Variants in PPP1R37 observed in about 807,000 individuals in gnomAD.
The protein encoded by PPP1R37 is protein phosphatase 1 regulatory subunit 37, also known as leucine rich repeat containing 68.
In PPP1R37, 21 loss-of-function variants were observed where a neutral mutation model predicts 61.0. That is an observed-to-expected ratio of 0.34 (90% CI 0.24 to 0.50). The LOEUF (loss-of-function observed/expected upper bound fraction) is 0.50, where lower values mean the gene tolerates loss of function less well. PPP1R37 is among the 20% of genes least tolerant of loss of function. PPP1R37 has a pLI of 0.98. For synonymous variants in PPP1R37, 443 were observed against 433.5 expected (o/e 1.02, Z -0.27); for missense variants, 910 against 952.7 (o/e 0.96, Z 0.59).
rs531492504 is a variant in PPP1R37, at chr19:45,118,855, T to C, written c.203-19659T>C. On this transcript the variant is annotated intron_variant, in intron 1 of 12. Coordinates refer to ENST00000221462, the MANE Select transcript of PPP1R37 (RefSeq NM_019121.2). ...GCCTCCACAGCCGGGCTGGGCTTTATAACTAATTCTGTCGTGAGAGACTGG... is the reference window on the plus strand; with the variant it reads ...GCCTCCACAGCCGGGCTGGGCTTTACAACTAATTCTGTCGTGAGAGACTGG... 1.9e-4 allele frequency among the ~76,000 whole-genome samples: 29 copies of C among 152,192 alleles called. No homozygotes were observed. In the South Asian group the frequency reaches 6.0e-3, roughly 32 times the overall value.
rs764128704 is a variant in PPP1R37, at chr19:45,145,564, C to CGGA, written c.1509_1511dup (p.Pro503_Asp504insGlu). On this transcript the variant is annotated inframe_insertion, in exon 11 of 13. Coordinates refer to ENST00000221462, the MANE Select transcript of PPP1R37 (RefSeq NM_019121.2). The stretch of plus-strand genomic sequence containing the variant: ...GGGGCCCCCAGCCCCGCACCCAGCC[C>CGGA]GGACTCAGACTCAGACTCGGACTCG... 6.5e-7 allele frequency: 1 copy of CGGA among 1,535,424 alleles called. No homozygotes were observed.
Position 45,145,350 on chromosome 19 carries a change from C to G in PPP1R37, c.1297-3C>G. The G allele has an allele frequency of 3.3e-6, 5 of 1,533,536 alleles. No homozygotes were observed. Among genetic ancestry groups the G allele is most frequent in the Non-Finnish European group, 4.4e-6 (5 of 1,145,590 alleles). 95.0% of individuals were successfully genotyped at this position (1,533,536 alleles called of 1,614,324 possible). ...GAGCCCTAGCCAGGCGCTCCCGCCA[C>G]AGGTGAAGAGCTTCATCGAGACGCA... On this transcript the variant is annotated splice_region_variant and splice_polypyrimidine_tract_variant and intron_variant, in intron 10 of 12. Coordinates refer to ENST00000221462, the MANE Select transcript of PPP1R37 (RefSeq NM_019121.2).
intron 1 of PPP1R37, among the ~76,000 whole-genome samples, chr19:45,106,406 T>C (rs1334604012): frequency 6.6e-6 from 1 of 152,076 alleles, no homozygotes; most frequent in East Asian, 1.9e-4. Flanking sequence ...CATGCCCAGC[T>C]AATTTTTTTG....
chr19:45,137,143 C>G (rs144795627), intron 1 of PPP1R37, among the ~76,000 whole-genome samples: 4 of 151,912 alleles, frequency 2.6e-5, no homozygotes, highest in Non-Finnish European at 5.9e-5. Context: ...GAAGATCTTT[C>G]TAACGGCCAG....
intron 1 of PPP1R37, among the ~76,000 whole-genome samples, chr19:45,101,975 C>G (rs1006231477): frequency 6.6e-6 from 1 of 152,232 alleles, no homozygotes; most frequent in African/African-American, 2.4e-5. Flanking sequence ...TCTGAGGTGA[C>G]TGTTATTCCC....
chr19:45,117,647 G>C (rs1204498462), intron 1 of PPP1R37, among the ~76,000 whole-genome samples: 1 of 152,180 alleles, frequency 6.6e-6, no homozygotes, highest in Non-Finnish European at 1.5e-5. Flanking sequence ...CCTACCATGG[G>C]CATGCAGTTC....
chr19:45,107,630 G>T (rs1200352557), intron 1 of PPP1R37, among the ~76,000 whole-genome samples: 5 of 152,130 alleles, frequency 3.3e-5, no homozygotes, highest in African/African-American at 1.2e-4. Context: ...TGAATTGTTT[G>T]TCCCTTCATT....
intron 1 of PPP1R37, among the ~76,000 whole-genome samples, 157 bp downstream of exon 1, chr19:45,093,684 G>C (rs1165352684): frequency 1.3e-5 from 2 of 152,208 alleles, no homozygotes; most frequent in Non-Finnish European, 1.5e-5. Context: ...GTTAGAAAGG[G>C]GGTGGCTATG....
chr19:45,097,077 C>T (rs1483050564), intron 1 of PPP1R37, among the ~76,000 whole-genome samples: 10 of 151,706 alleles, frequency 6.6e-5, no homozygotes, highest in Admixed American at 5.9e-4. Flanking sequence ...GTGGAGGGTT[C>T]GCCAGGGTGA....
Position 45,141,393 on chromosome 19 carries a change from G to C in PPP1R37, c.519G>C (p.Lys173Asn). 6.5e-7 allele frequency: 1 copy of C among 1,535,994 alleles called. No homozygotes were observed. The highest frequency in any genetic ancestry group is 8.7e-7 in the Non-Finnish European group (1 of 1,146,838). ...CCCACCTCAACATCTCCTTCAACAA[G>C]CACATCGGCACCCGGGGCTGGCAGG... ...SATHLNISFN[K>N]HIGTRGWQAA... The change falls in exon 5 of 13, where the codon AAG becomes AAC. Residue 173 changes from lysine to asparagine, a missense_variant. This residue lies in a region of PPP1R37 where 280 missense variants were observed against 382.2 expected (regional missense o/e 0.73). Coordinates refer to ENST00000221462, the MANE Select transcript of PPP1R37 (RefSeq NM_019121.2).
intron 1 of PPP1R37, among the ~76,000 whole-genome samples, chr19:45,096,239 C>T (rs376007781): frequency 7.2e-5 from 11 of 151,844 alleles, no homozygotes; most frequent in East Asian, 3.9e-4. Context: ...GCAGTCAATG[C>T]GTGGGCCTGG....
intron 1 of PPP1R37, among the ~76,000 whole-genome samples, chr19:45,116,088 T>C (rs1412107321): frequency 6.6e-6 from 1 of 152,222 alleles, no homozygotes; most frequent in African/African-American, 2.4e-5. Flanking sequence ...AAGCCTGCCA[T>C]TGACCTTACA....
chr19:45,140,443 G>T (rs1968595901), intron 3 of PPP1R37, 63 bp from the exon 4 acceptor site: 2 of 1,390,960 alleles, frequency 1.4e-6, no homozygotes, highest in African/African-American at 1.4e-5. Context: ...GGGGCAGAGG[G>T]CCCTTCCAGC....
intron 1 of PPP1R37, among the ~76,000 whole-genome samples, chr19:45,120,014 CTTTTTTT>C (rs11312138): frequency 1.2e-5 from 1 of 83,602 alleles, no homozygotes; most frequent in Non-Finnish European, 2.4e-5. Context: ...TTTTCCCCTT[CTTTTTTT>C]TTTTTTTTTT....
Position 45,146,453 on chromosome 19 carries a change from C to A in PPP1R37, c.2057C>A (p.Ser686Tyr), listed in dbSNP as rs1968702335. 1 of 1,535,692 alleles carries A rather than the reference C, an allele frequency of 6.5e-7. No individual in the cohort carries two copies. Among genetic ancestry groups the A allele is most frequent in the Admixed American group, 2.0e-5 (1 of 50,972 alleles). Residue 686 changes from serine to tyrosine, a missense_variant, in exon 12 of 13, where the codon TCC (serine) becomes TAC (tyrosine). By Grantham distance (144) the Ser-to-Tyr change is moderately radical. Coordinates refer to ENST00000221462, the MANE Select transcript of PPP1R37 (RefSeq NM_019121.2). ...EELLLEASQE[S>Y]GQETL ...CTGCTTCTGGAAGCCAGTCAGGAAT[C>A]CGGGCAGGAGACACTGTGACACTTT...
intron 1 of PPP1R37, among the ~76,000 whole-genome samples, chr19:45,123,374 C>T (rs1461902929): frequency 6.6e-6 from 1 of 152,242 alleles, no homozygotes; most frequent in Admixed American, 6.5e-5. Context: ...CGCATCCTTG[C>T]TGAGGGCAGG....
intron 2 of PPP1R37, among the ~76,000 whole-genome samples, chr19:45,139,681 C>CA: frequency 6.6e-6 from 1 of 152,366 alleles, no homozygotes; most frequent in East Asian, 1.9e-4. Flanking sequence ...GGTGGCTGCT[C>CA]AGTGTGGCAG....
intron 1 of PPP1R37, among the ~76,000 whole-genome samples, chr19:45,114,895 G>A (rs916812085): frequency 5.9e-5 from 9 of 152,092 alleles, no homozygotes; most frequent in Admixed American, 3.9e-4. Context: ...CTTCCAGCTG[G>A]GGGGCTTATG....
chr19:45,137,833 C>CAA (rs5828228), intron 1 of PPP1R37, among the ~76,000 whole-genome samples: 15 of 106,188 alleles, frequency 1.4e-4, no homozygotes, highest in Admixed American at 2.9e-4. Flanking sequence ...TACAAAAATA[C>CAA]AAAAAAAAAA....
Sources: gnomAD v4.1 joint callset for allele counts (sites outside exome capture counted in the v4.1 genomes callset) on GRCh38, gnomAD v4.1.1 for gene constraint, gnomAD v4.1.1 regional missense constraint, MANE v1.5 for transcripts, NCBI Gene and HGNC (gene_info 2026-07-23, HGNC 2026-07-21) for gene names.